MYOF: variants seen among roughly 807,000 people sequenced by gnomAD.
MYOF encodes myoferlin.
MYOF carries 244 observed loss-of-function variants against 284.2 expected under a neutral mutation model. The observed-to-expected ratio is 0.86, with a 90% CI of 0.77 to 0.95. The LOEUF (loss-of-function observed/expected upper bound fraction) is 0.95, where lower values mean the gene tolerates loss of function less well. Among genes scored for constraint, MYOF ranks in the 40% least tolerant of loss-of-function variants. The probability of loss-of-function intolerance (pLI) is 0.00; values close to 1 mark genes in which losing one functional copy is unlikely to be tolerated. For missense variants in MYOF, 2,496 were observed against 2,560.6 expected (o/e 0.97, Z 0.54); for synonymous variants, 904 against 919.7 (o/e 0.98, Z 0.31).
At position 93,306,862 on chromosome 10, in the gene MYOF, C is replaced by T. The variant is rs1842122578; in HGVS notation, c.*101G>A. 23 of 1,246,580 alleles carry T rather than the reference C, an allele frequency of 1.8e-5. No individual in the cohort carries two copies. The highest frequency in any genetic ancestry group is 2.7e-5 in the Non-Finnish European group (23 of 857,648). 77.2% of individuals were successfully genotyped at this position (1,246,580 alleles called of 1,614,324 possible). A position where few individuals can be genotyped will look rare whatever the true frequency, so the allele number is the denominator to read the frequency against. On this transcript the variant is annotated 3_prime_UTR_variant, in exon 54 of 54. Coordinates refer to ENST00000359263, the MANE Select transcript of MYOF (RefSeq NM_013451.4). ...CTCGGTGACATGGCGTAACCTGCTA[C>T]TGGGGTGTGGTCTCAGACACAAAAT...
At chr10:93,464,476 T>C (rs1005471452) in intron 1 of MYOF, among the ~76,000 whole-genome samples, 2 of 152,156 alleles carry the variant, frequency 1.3e-5, no homozygotes, top group Non-Finnish European at 2.9e-5. Flanking sequence ...TGCTTCCAAA[T>C]ACACACCGTC....
rs1163873565 is a variant in MYOF, at chr10:93,482,254, C to T, written c.-60G>A. 4 of 1,408,390 alleles carry T rather than the reference C, an allele frequency of 2.8e-6. No homozygotes were observed. In the African/African-American group the frequency reaches 4.3e-5, roughly 15 times the overall value. The allele number at this position is 1,408,390 out of a possible 1,614,324, so 87.2% of individuals were successfully genotyped here. On this transcript the variant is annotated 5_prime_UTR_variant, in exon 1 of 54. Coordinates refer to ENST00000359263, the MANE Select transcript of MYOF (RefSeq NM_013451.4). ...CGAAGTGGAGACTAGGGCGCTGGAGCTCCGGGTCGCACCGCCCTGGGAGAG... is the reference window on the plus strand; with the variant it reads ...CGAAGTGGAGACTAGGGCGCTGGAGTTCCGGGTCGCACCGCCCTGGGAGAG...
At chr10:93,458,624 G>A (rs772527057) in intron 1 of MYOF, among the ~76,000 whole-genome samples, 21 of 152,124 alleles carry the variant, frequency 1.4e-4, no homozygotes, top group Admixed American at 1.3e-4. Flanking sequence ...CAGCTACTCG[G>A]GAGGCTGAGG....
chr10:93,377,155 G>C (rs1040190064), intron 22 of MYOF, among the ~76,000 whole-genome samples, 168 bp downstream of exon 22: 1 of 152,148 alleles, frequency 6.6e-6, no homozygotes, highest in Non-Finnish European at 1.5e-5. Context: ...AGCTTTTCCT[G>C]GTGGTGATTC....
At chr10:93,344,020 G>T in intron 37 of MYOF, 88 bp from the exon 38 acceptor site, 1 of 1,399,654 alleles carries the variant, frequency 7.1e-7, no homozygotes, top group Non-Finnish European at 1.0e-6. Flanking sequence ...AACAGCCATA[G>T]GGTGGATGGT....
intron 25 of MYOF, among the ~76,000 whole-genome samples, chr10:93,368,436 C>T (rs1247680453): frequency 6.6e-6 from 1 of 152,166 alleles, no homozygotes. Context: ...TAACAAGAGA[C>T]CTAGTTTTGC....
Position 93,353,791 on chromosome 10 carries a change from G to A in MYOF, c.3481+20C>T, listed in dbSNP as rs1844646247. ...CATGCTATGTAATCATGTGTAGCAT[G>A]TAGATTTTTTTTCCTTTACCTGAAA... is the stretch of plus-strand genomic sequence containing the variant. On this transcript the variant is annotated intron_variant, in intron 32 of 53. Coordinates refer to ENST00000359263, the MANE Select transcript of MYOF (RefSeq NM_013451.4). 1 of 1,589,410 alleles carries A rather than the reference G, an allele frequency of 6.3e-7. No individual in the cohort carries two copies. Among genetic ancestry groups the A allele is most frequent in the African/African-American group, 1.4e-5 (1 of 73,794 alleles).
chr10:93,307,358 C>T (rs1483293088), intron 53 of MYOF, among the ~76,000 whole-genome samples: 5 of 151,302 alleles, frequency 3.3e-5, no homozygotes, highest in Admixed American at 3.3e-4. Context: ...TGCAGTGGCG[C>T]GATCTCGGCT....
intron 50 of MYOF, among the ~76,000 whole-genome samples, chr10:93,315,628 G>T (rs980109128): frequency 2.0e-5 from 3 of 152,154 alleles, no homozygotes; most frequent in African/African-American, 7.2e-5. Context: ...AATCAGGAAT[G>T]ACCCTCACAA....
At chr10:93,363,026 CA>C (rs1308211828) in intron 27 of MYOF, among the ~76,000 whole-genome samples, 1 of 152,080 alleles carries the variant, frequency 6.6e-6, no homozygotes, top group Non-Finnish European at 1.5e-5. Flanking sequence ...GACTCAAAAC[CA>C]AAAGCACCTA....
chr10:93,347,553 C>G (rs866044869), intron 37 of MYOF, 64 bp downstream of exon 37: 1 of 351,796 alleles, frequency 2.8e-6, no homozygotes, highest in South Asian at 3.6e-5. Flanking sequence ...AGCGAGACTC[C>G]GTCTCAAAAA....
chr10:93,310,047 G>T lies in MYOF; in HGVS notation c.6120C>A (p.Phe2040Leu), dbSNP rs772809321. ...GCAAAGAGTAGAGGAGCACGGCCAC[G>T]AAGAGCAGCAGGATAAGCAGGAACA... ...GLLFLLILLL[F>L]VAVLLYSLPN... Residue 2040 changes from phenylalanine to leucine, a missense_variant, in exon 53 of 54, where the codon TTC (phenylalanine) becomes TTA (leucine). By Grantham distance (22) the Phe-to-Leu change is conservative. Around this residue, in one of 3 missense-constraint regions of MYOF, gnomAD observed 2,436 missense variants for 2,480.7 expected, o/e 0.98. Transcript: ENST00000359263. 3.1e-6 allele frequency: 5 copies of T among 1,613,982 alleles called. No homozygotes were observed. The East Asian group carries it at 6.7e-5, about 22-fold the overall frequency.
chr10:93,400,948 G>T (rs1400658955), intron 12 of MYOF, among the ~76,000 whole-genome samples: 1 of 148,862 alleles, frequency 6.7e-6, no homozygotes, highest in African/African-American at 2.5e-5. Context: ...CGCCTCCTGG[G>T]TTCAAGTGAT....
chr10:93,344,606 CA>C (rs931992456), intron 37 of MYOF, among the ~76,000 whole-genome samples: 69 of 150,548 alleles, frequency 4.6e-4, no homozygotes, highest in African/African-American at 1.7e-3. Context: ...GGTGAGAGGC[CA>C]GGGGAAGGAG....
intron 53 of MYOF, among the ~76,000 whole-genome samples, 167 bp downstream of exon 53, chr10:93,309,853 C>T (rs1797367625): frequency 6.6e-6 from 1 of 152,148 alleles, no homozygotes; most frequent in Non-Finnish European, 1.5e-5. Flanking sequence ...GAATGTGATT[C>T]TAATTACAAG....
At chr10:93,323,516 G>A in intron 46 of MYOF, 158 bp from the exon 47 acceptor site, 2 of 682,620 alleles carry the variant, frequency 2.9e-6, no homozygotes, top group Non-Finnish European at 4.8e-6. Context: ...AGCAAACCAA[G>A]GTTAATCTTT....
At chr10:93,471,799 G>T (rs2057152672) in intron 1 of MYOF, among the ~76,000 whole-genome samples, 2 of 151,710 alleles carry the variant, frequency 1.3e-5, no homozygotes, top group Admixed American at 1.3e-4. Context: ...TGAGGCAGGA[G>T]AATTGCTTGA....
At chr10:93,366,316 G>C in intron 26 of MYOF, 76 bp downstream of exon 26, 2 of 1,443,204 alleles carry the variant, frequency 1.4e-6, no homozygotes, top group South Asian at 1.2e-5. Context: ...GATGATGACG[G>C]AGATATAATA....
intron 36 of MYOF, among the ~76,000 whole-genome samples, chr10:93,348,654 C>T (rs572954043): frequency 6.9e-6 from 1 of 144,534 alleles, no homozygotes; most frequent in South Asian, 2.3e-4. Flanking sequence ...ATCCCGGTGG[C>T]TCGCCGTCTG....
Sources: allele counts gnomAD v4.1 joint callset (sites outside exome capture counted in the v4.1 genomes callset), GRCh38; gene constraint gnomAD v4.1.1; regional missense constraint gnomAD v4.1.1; transcripts MANE v1.5; gene names NCBI Gene and HGNC (gene_info 2026-07-23, HGNC 2026-07-21).